STOX2: variants seen among roughly 807,000 people sequenced by gnomAD.
The protein encoded by STOX2 is storkhead box 2, also known as storkhead-box protein 2.
Under a neutral mutation model 60.9 loss-of-function variants are expected in STOX2, and 28 were observed. The ratio of observed to expected loss-of-function variants is 0.46; its 90% CI spans 0.34 to 0.63. STOX2 has a LOEUF of 0.63. Among genes scored for constraint, STOX2 ranks in the 30% least tolerant of loss-of-function variants. STOX2 has a pLI of 0.01. For missense variants in STOX2, 1,024 were observed against 1,187.7 expected (o/e 0.86, Z 2.03); for synonymous variants, 472 against 463.9 (o/e 1.02, Z -0.22).
intron 1 of STOX2, among the ~76,000 whole-genome samples, chr4:183,863,135 C>G (rs927500942): frequency 4.6e-5 from 7 of 152,172 alleles, no homozygotes; most frequent in African/African-American, 1.2e-4. Context: ...GCGTACAGGA[C>G]TCATGAAAGA....
intron 1 of STOX2, among the ~76,000 whole-genome samples, chr4:183,956,505 T>C (rs1743256888): frequency 1.3e-5 from 2 of 151,940 alleles, no homozygotes; most frequent in East Asian, 3.9e-4. Context: ...TTTCTGTACA[T>C]TTGAGAGTAG....
chr4:183,908,770 A>T (rs1332697352), intron 1 of STOX2, among the ~76,000 whole-genome samples: 2 of 152,176 alleles, frequency 1.3e-5, no homozygotes, highest in Admixed American at 6.5e-5. Flanking sequence ...AAATGGTAAG[A>T]TGGTCCTATG....
intron 1 of STOX2, among the ~76,000 whole-genome samples, chr4:183,923,633 G>A (rs1742161525): frequency 6.6e-6 from 1 of 152,198 alleles, no homozygotes. Flanking sequence ...AAGTACACTT[G>A]TGATTCTTTA....
At chr4:183,915,285 C>G (rs1207200994) in intron 1 of STOX2, among the ~76,000 whole-genome samples, 1 of 152,202 alleles carries the variant, frequency 6.6e-6, no homozygotes, top group Non-Finnish European at 1.5e-5. Context: ...CCTACAGATT[C>G]CTGTCTGGTT....
chr4:183,861,537 A>C (rs1052227139), intron 1 of STOX2, among the ~76,000 whole-genome samples: 3 of 152,124 alleles, frequency 2.0e-5, no homozygotes, highest in African/African-American at 4.8e-5. Flanking sequence ...GGTTTTGTAG[A>C]TCGTGTGGAT....
intron 1 of STOX2, among the ~76,000 whole-genome samples, chr4:183,920,965 T>A (rs867080679): frequency 6.6e-6 from 1 of 152,260 alleles, no homozygotes; most frequent in Middle Eastern, 3.2e-3. Flanking sequence ...ATAAACATAA[T>A]TTCGTTCATT....
chr4:183,860,131 T>C (rs1287229476), intron 1 of STOX2, among the ~76,000 whole-genome samples: 2 of 152,162 alleles, frequency 1.3e-5, no homozygotes, highest in Non-Finnish European at 2.9e-5. Context: ...TGTAGTTCAC[T>C]GTGAATTTTT....
chr4:183,949,310 A>T (rs1213216127), intron 1 of STOX2, among the ~76,000 whole-genome samples: 1 of 152,142 alleles, frequency 6.6e-6, no homozygotes, highest in East Asian at 1.9e-4. Context: ...TTCTTTAAAC[A>T]TGGAAATTCA....
intron 1 of STOX2, among the ~76,000 whole-genome samples, chr4:183,871,451 C>T (rs184800590): frequency 3.2e-4 from 49 of 152,266 alleles, no homozygotes; most frequent in Admixed American, 8.5e-4. Flanking sequence ...CTTTTAATCT[C>T]CTAGTCACTT....
intron 1 of STOX2, among the ~76,000 whole-genome samples, chr4:183,978,367 C>T (rs548499657): frequency 6.6e-6 from 1 of 152,130 alleles, no homozygotes; most frequent in African/African-American, 2.4e-5. Flanking sequence ...GTCCTTTCCC[C>T]GTGTTTTATA....
intron 1 of STOX2, among the ~76,000 whole-genome samples, chr4:183,933,720 A>G (rs995350513): frequency 6.6e-6 from 1 of 152,180 alleles, no homozygotes; most frequent in African/African-American, 2.4e-5. Context: ...ATTGTAAATT[A>G]TGCCCAACTT....
In STOX2 at chr4:183,802,826, T is replaced by C. The variant is rs561176743; in HGVS notation, c.364+4771T>C. On this transcript the variant is annotated intron_variant, in intron 1 of 2. Coordinates refer to the STOX2 transcript ENST00000513034. ...TTAGTAGAGACGGGGTCTCACCGTA[T>C]TAGCCGTGATGGTCTCGATCTCCTG... Among the ~76,000 whole-genome samples, 6 of 152,326 alleles carry C rather than the reference T, an allele frequency of 3.9e-5. No homozygotes were observed. The South Asian group carries it at 1.2e-3, about 32-fold the overall frequency.
At chr4:183,919,626 A>G in intron 1 of STOX2, among the ~76,000 whole-genome samples, 1 of 152,050 alleles carries the variant, frequency 6.6e-6, no homozygotes, top group African/African-American at 2.4e-5. Flanking sequence ...ATTGTTTTTT[A>G]AGATGGTCTC....
intron 1 of STOX2, chr4:183,960,154 A>G (rs1179474762): frequency 6.6e-6 from 1 of 152,174 alleles, no homozygotes; most frequent in African/African-American, 2.4e-5. Context: ...GTCAATGGGT[A>G]ATATTGGGAG....
At chr4:183,987,143 G>C (rs1211194118) in intron 1 of STOX2, among the ~76,000 whole-genome samples, 1 of 152,134 alleles carries the variant, frequency 6.6e-6, no homozygotes, top group Non-Finnish European at 1.5e-5. Flanking sequence ...GGGAGAGTTC[G>C]GCAGTACCAC....
At chr4:183,917,582 C>T (rs957666812) in intron 1 of STOX2, among the ~76,000 whole-genome samples, 3 of 152,154 alleles carry the variant, frequency 2.0e-5, no homozygotes, top group Non-Finnish European at 4.4e-5. Context: ...ACATATTTTC[C>T]CCACACTTGC....
chr4:183,863,276 C>G (rs1475411424), intron 1 of STOX2, among the ~76,000 whole-genome samples: 1 of 152,188 alleles, frequency 6.6e-6, no homozygotes, highest in Non-Finnish European at 1.5e-5. Flanking sequence ...CCCCCCACAC[C>G]AGGCCATAGG....
At chr4:183,861,657 G>T (rs1020074580) in intron 1 of STOX2, among the ~76,000 whole-genome samples, 8 of 152,152 alleles carry the variant, frequency 5.3e-5, no homozygotes, top group Non-Finnish European at 1.5e-5. Flanking sequence ...CTGTAAAATG[G>T]GTTGTGGTGA....
At chr4:183,912,281 G>T (rs562357531) in intron 1 of STOX2, among the ~76,000 whole-genome samples, 1 of 152,288 alleles carries the variant, frequency 6.6e-6, no homozygotes, top group African/African-American at 2.4e-5. Flanking sequence ...AAAATCACTT[G>T]TGTTGCTTCC....
Sources: gnomAD v4.1 joint callset for allele counts (sites outside exome capture counted in the v4.1 genomes callset) on GRCh38, gnomAD v4.1.1 for gene constraint, MANE v1.5 for transcripts, NCBI Gene and HGNC (gene_info 2026-07-23, HGNC 2026-07-21) for gene names.